Variants in NAALADL2 observed in about 807,000 individuals in gnomAD.
The protein encoded by NAALADL2 is inactive N-acetylated-alpha-linked acidic dipeptidase-like protein 2.
A neutral mutation model predicts 87.2 loss-of-function variants in NAALADL2; 76 were observed. That is an observed-to-expected ratio of 0.87 (90% CI 0.72 to 1.05). The LOEUF is 1.05. Ranked by LOEUF, NAALADL2 falls within the 50% of genes least tolerant of loss-of-function variation. The pLI, the probability that NAALADL2 is intolerant of heterozygous loss-of-function variation, is 0.00. For missense variants in NAALADL2, 1,089 were observed against 945.8 expected (o/e 1.15, Z -1.99); for synonymous variants, 354 against 331.0 (o/e 1.07, Z -0.75).
At chr3:175,450,676 G>T (rs1314047503) in intron 6 of NAALADL2, among the ~76,000 whole-genome samples, 1 of 135,076 alleles carries the variant, frequency 7.4e-6, no homozygotes, top group African/African-American at 2.7e-5. Context: ...AGTTGATGTA[G>T]TCTGTCAATA....
At chr3:175,600,057 T>C (rs1722747694) in intron 10 of NAALADL2, among the ~76,000 whole-genome samples, 2 of 152,010 alleles carry the variant, frequency 1.3e-5, no homozygotes, top group African/African-American at 4.8e-5. Flanking sequence ...GAAATCAAAC[T>C]GCACATAATT....
intron 3 of NAALADL2, among the ~76,000 whole-genome samples, chr3:174,837,726 G>A (rs547668281): frequency 1.8e-4 from 27 of 152,054 alleles, no homozygotes; most frequent in African/African-American, 5.5e-4. Context: ...CCTGGGAGGC[G>A]GGGGTTGTGG....
At position 175,803,360 on chromosome 3, in the gene NAALADL2, AAG is replaced by A; in HGVS notation, c.*159_*160del. 2.2e-6 allele frequency: 1 copy of A among 452,812 alleles called. No individual in the cohort carries two copies. The highest frequency in any genetic ancestry group is 3.8e-6 in the Non-Finnish European group (1 of 260,088). 28.0% of individuals were successfully genotyped at this position (452,812 alleles called of 1,614,324 possible). A position where few individuals can be genotyped will look rare whatever the true frequency, so the allele number is the denominator to read the frequency against. ...TGTATTTTTTAAATGTAAATATAGA[AAG>A]AACATTTTGCACATTTAATATTTTT... is the stretch of plus-strand genomic sequence containing the variant. On this transcript the variant is annotated 3_prime_UTR_variant, in exon 14 of 14. Transcript: ENST00000454872.
intron 1 of NAALADL2, among the ~76,000 whole-genome samples, chr3:174,878,771 A>G (rs533637745): frequency 6.6e-6 from 1 of 152,022 alleles, no homozygotes; most frequent in Non-Finnish European, 1.5e-5. Context: ...CATATTTGAC[A>G]TCTGACTTTT....
intron 10 of NAALADL2, among the ~76,000 whole-genome samples, chr3:175,622,377 A>G (rs1726353024): frequency 6.6e-6 from 1 of 152,150 alleles, no homozygotes; most frequent in African/African-American, 2.4e-5. Context: ...TACGTGACGA[A>G]TTTTATCATG....
chr3:175,088,704 C>T (rs1266607202), intron 1 of NAALADL2, among the ~76,000 whole-genome samples: 1 of 152,018 alleles, frequency 6.6e-6, no homozygotes, highest in Non-Finnish European at 1.5e-5. Context: ...ACTCTCTGTT[C>T]TTGGAAATCC....
chr3:175,452,231 C>T (rs73186745), intron 6 of NAALADL2, among the ~76,000 whole-genome samples: 33 of 69,416 alleles, frequency 4.8e-4, no homozygotes, highest in Non-Finnish European at 6.8e-4. Context: ...TCTTCAGATT[C>T]TCTCTCTCTC....
chr3:175,673,893 GATAA>G (rs1309371270), intron 11 of NAALADL2, among the ~76,000 whole-genome samples: 1 of 151,422 alleles, frequency 6.6e-6, no homozygotes, highest in African/African-American at 2.4e-5. Context: ...AATAGAGATA[GATAA>G]ATATATAGAC....
At chr3:174,955,189 A>G (rs1740975145) in intron 1 of NAALADL2, among the ~76,000 whole-genome samples, 1 of 152,032 alleles carries the variant, frequency 6.6e-6, no homozygotes. Context: ...TTATACATAA[A>G]CTTTTCTTGA....
intron 2 of NAALADL2, among the ~76,000 whole-genome samples, chr3:174,641,018 G>A (rs989267392): frequency 5.9e-5 from 9 of 152,166 alleles, no homozygotes; most frequent in East Asian, 1.9e-4. Context: ...GAGGATGGGC[G>A]CCCCAAAGGC....
At chr3:175,627,976 T>TA (rs1432983546) in intron 11 of NAALADL2, among the ~76,000 whole-genome samples, 4 of 151,582 alleles carry the variant, frequency 2.6e-5, no homozygotes, top group African/African-American at 9.7e-5. Flanking sequence ...AAAAAAAGGC[T>TA]ACTTTTTAAA....
rs747482261 is a variant in NAALADL2, at chr3:174,496,882, A to C, written c.-183-53687A>C. 1.1e-3 allele frequency among the ~76,000 whole-genome samples: 147 copies of C among 132,568 alleles called. 1 individual carries two copies. Among genetic ancestry groups the C allele is most frequent in the Non-Finnish European group, 1.9e-3 (119 of 62,222 alleles). The allele number at this position is 132,568 out of a possible 152,430, so 87.0% of individuals were successfully genotyped here. The stretch of plus-strand genomic sequence containing the variant: ...CGTATCAGCAATAAGATCTAGACTG[A>C]ATGTGTTCATTAATGCATAATTCAT... On this transcript the variant is annotated intron_variant, in intron 1 of 3. Coordinates refer to the NAALADL2 transcript ENST00000434257.
At chr3:175,341,832 G>T (rs971741606) in intron 5 of NAALADL2, among the ~76,000 whole-genome samples, 4 of 151,938 alleles carry the variant, frequency 2.6e-5, no homozygotes, top group Non-Finnish European at 4.4e-5. Context: ...AGGTCATTTT[G>T]AATTAATTTT....
chr3:174,720,825 G>C (rs1375066398), intron 2 of NAALADL2, among the ~76,000 whole-genome samples: 1 of 152,094 alleles, frequency 6.6e-6, no homozygotes, highest in Non-Finnish European at 1.5e-5. Flanking sequence ...CTTGCCGTTC[G>C]AATGTAGTAT....
At chr3:174,900,761 AAAAATT>A (rs1732208841) in intron 1 of NAALADL2, among the ~76,000 whole-genome samples, 1 of 152,112 alleles carries the variant, frequency 6.6e-6, no homozygotes, top group African/African-American at 2.4e-5. Flanking sequence ...GGCTACTTAA[AAAAATT>A]AACATTGTAT....
chr3:175,660,973 C>A (rs958048244), intron 11 of NAALADL2, among the ~76,000 whole-genome samples: 1 of 151,932 alleles, frequency 6.6e-6, no homozygotes, highest in African/African-American at 2.4e-5. Flanking sequence ...GTGCAGATAT[C>A]CTTTGATATA....
At chr3:175,423,454 C>A (rs1485958802) in intron 5 of NAALADL2, among the ~76,000 whole-genome samples, 4 of 139,970 alleles carry the variant, frequency 2.9e-5, no homozygotes, top group Non-Finnish European at 6.1e-5. Context: ...GTGTGATGTT[C>A]CCCTTCCTGT....
At chr3:175,482,051 A>G in intron 9 of NAALADL2, among the ~76,000 whole-genome samples, 1 of 125,212 alleles carries the variant, frequency 8.0e-6, no homozygotes, top group East Asian at 3.0e-4. Flanking sequence ...GGCGAAGCTT[A>G]CAGTACTATT....
At chr3:174,800,198 T>C (rs1718651937) in intron 3 of NAALADL2, among the ~76,000 whole-genome samples, 3 of 152,144 alleles carry the variant, frequency 2.0e-5, no homozygotes, top group South Asian at 4.1e-4. Flanking sequence ...AGGAGCTGAA[T>C]GTTAATCACC....
Sources: allele counts gnomAD v4.1 joint callset (sites outside exome capture counted in the v4.1 genomes callset), GRCh38; gene constraint gnomAD v4.1.1; transcripts MANE v1.5; gene names NCBI Gene and HGNC (gene_info 2026-07-23, HGNC 2026-07-21).